The following RUVBL1 variants were observed in gnomAD, a reference collection of about 807,000 sequenced individuals.
RUVBL1 encodes the protein ruvB-like 1.
In RUVBL1, 4 loss-of-function variants were observed where a neutral mutation model predicts 52.4. That is an observed-to-expected ratio of 0.08 (90% CI 0.04 to 0.17). RUVBL1 has a LOEUF of 0.17. RUVBL1 is among the 10% of genes least tolerant of loss of function. The pLI is 1.00. For missense variants in RUVBL1, 298 were observed against 572.8 expected (o/e 0.52, Z 4.90); for synonymous variants, 217 against 214.4 (o/e 1.01, Z -0.10).
At chr3:128,102,855 A>T (rs192967794) in intron 4 of RUVBL1, among the ~76,000 whole-genome samples, 59 of 152,348 alleles carry the variant, frequency 3.9e-4, no homozygotes, top group Non-Finnish European at 4.4e-5. Flanking sequence ...GCTTTTAAAA[A>T]ACTACCACCA....
intron 5 of RUVBL1, among the ~76,000 whole-genome samples, chr3:128,100,975 T>C (rs1471486919): frequency 1.3e-5 from 2 of 152,194 alleles, no homozygotes; most frequent in Admixed American, 6.5e-5. Context: ...CCAAAATCCT[T>C]TTTCCCTTCT....
chr3:128,073,591 G>A (rs1023114443), intron 9 of RUVBL1, among the ~76,000 whole-genome samples: 1 of 152,178 alleles, frequency 6.6e-6, no homozygotes, highest in African/African-American at 2.4e-5. Flanking sequence ...CTAAGTGGTA[G>A]TGCCCACCTC....
At chr3:128,103,861 A>G (rs1943164206) in intron 4 of RUVBL1, among the ~76,000 whole-genome samples, 1 of 152,256 alleles carries the variant, frequency 6.6e-6, no homozygotes, top group Admixed American at 6.5e-5. Flanking sequence ...GGCCTGACAC[A>G]TACAATAAAT....
chr3:128,067,600 C>G lies in RUVBL1; in HGVS notation c.940-2380G>C. On this transcript the variant is annotated intron_variant, in intron 9 of 9. Transcript: ENST00000464873. This position sits in a 1 kb window ranked among gnomAD's most constrained non-coding sequence, Gnocchi z 4.1. ...AAACGTGGATTGAGGTCTCAGGTTC[C>G]TCTGCCAAAGATGTAAGTAGAAGCA... The G allele has an allele frequency of 6.2e-7, 1 of 1,611,296 alleles. No homozygotes were observed. Among genetic ancestry groups the G allele is most frequent in the Non-Finnish European group, 8.5e-7 (1 of 1,178,438 alleles).
intron 4 of RUVBL1, among the ~76,000 whole-genome samples, chr3:128,104,270 C>G (rs1384999518): frequency 6.6e-6 from 1 of 152,214 alleles, no homozygotes; most frequent in African/African-American, 2.4e-5. Context: ...TAAACAGAAC[C>G]AGCCACTGAA....
chr3:128,108,767 A>G (rs1477976829), intron 3 of RUVBL1, among the ~76,000 whole-genome samples: 1 of 152,104 alleles, frequency 6.6e-6, no homozygotes, highest in African/African-American at 2.4e-5. Context: ...CATCTTTATT[A>G]TGAGTTAAAT....
intron 3 of RUVBL1, among the ~76,000 whole-genome samples, chr3:128,105,886 T>C (rs1943223100): frequency 6.8e-6 from 1 of 146,806 alleles, no homozygotes; most frequent in African/African-American, 2.5e-5. Context: ...TTTTTTTTTT[T>C]TGAGATAGAA....
downstream of RUVBL1, among the ~76,000 whole-genome samples, chr3:128,076,532 TGG>T (rs1942330927): frequency 6.6e-6 from 1 of 152,130 alleles, no homozygotes; most frequent in Non-Finnish European, 1.5e-5. This position sits in a 1 kb window ranked among gnomAD's most constrained non-coding sequence, Gnocchi z 6.8. Flanking sequence ...GTTGGGACAG[TGG>T]GCAGGCTTGC....
Position 128,087,763 on chromosome 3 carries a change from A to C in RUVBL1, c.1062T>G (p.Leu354=). The C allele has an allele frequency of 6.2e-7, 1 of 1,614,114 alleles. No individual in the cohort carries two copies. Among genetic ancestry groups the C allele is most frequent in the Non-Finnish European group, 8.5e-7 (1 of 1,179,986 alleles). ...ITSPHGIPLD[L]LDRVMIIRTM... is the part of the protein sequence containing the mutation. ...TCCGGATTATCATCACTCGGTCCAG[A>C]AGGTCAAGAGGGATGCCGTGAGGGG... Residue 354 remains leucine (L), a synonymous_variant, in exon 9 of 11, where the codon CTT becomes CTG. Coordinates refer to ENST00000322623, the MANE Select transcript of RUVBL1 (RefSeq NM_003707.3).
chr3:128,097,508 G>A lies in RUVBL1; in HGVS notation c.818-10C>T, dbSNP rs1028974542. 5 of 1,613,540 alleles carry A rather than the reference G, an allele frequency of 3.1e-6. No homozygotes were observed. The highest frequency in any genetic ancestry group is 2.2e-5 in the East Asian group (1 of 44,900). On this transcript the variant is annotated splice_polypyrimidine_tract_variant and intron_variant, in intron 7 of 10. Coordinates refer to ENST00000322623, the MANE Select transcript of RUVBL1 (RefSeq NM_003707.3). ...TCCCCTCGAAGTTTGTCTAGGAGATGCAAGGATGGGCAGGCAAGGTCAGCA... is the reference window on the plus strand; with the variant it reads ...TCCCCTCGAAGTTTGTCTAGGAGATACAAGGATGGGCAGGCAAGGTCAGCA...
chr3:128,093,916 TG>T (rs1199107864), intron 8 of RUVBL1, among the ~76,000 whole-genome samples: 1 of 152,022 alleles, frequency 6.6e-6, no homozygotes, highest in Non-Finnish European at 1.5e-5. Flanking sequence ...CTAAAGGACT[TG>T]GGGGCTGCTT....
chr3:128,077,644 G>A (rs770476008), downstream of RUVBL1, among the ~76,000 whole-genome samples: 8 of 152,360 alleles, frequency 5.3e-5, no homozygotes, highest in East Asian at 1.9e-4. Flanking sequence ...GAAGCAGTGC[G>A]TTGTTTCTGG....
chr3:128,119,764 C>G (rs1238341593), intron 1 of RUVBL1, among the ~76,000 whole-genome samples: 2 of 152,146 alleles, frequency 1.3e-5, no homozygotes, highest in African/African-American at 4.8e-5. Flanking sequence ...CTGGGAGGAG[C>G]AGGAGTCAGC....
chr3:128,095,782 GT>G (rs1382337840), intron 8 of RUVBL1, among the ~76,000 whole-genome samples: 2 of 152,180 alleles, frequency 1.3e-5, no homozygotes, highest in East Asian at 3.9e-4. Flanking sequence ...AGGTCTCACT[GT>G]TGTCCAGGTG....
intron 1 of RUVBL1, among the ~76,000 whole-genome samples, chr3:128,140,080 C>T (rs1253129442): frequency 6.6e-6 from 1 of 151,692 alleles, no homozygotes; most frequent in Admixed American, 6.6e-5. Context: ...ATGGTGAATA[C>T]CTTATTTACC....
chr3:128,085,251 T>C (rs1942610467), intron 9 of RUVBL1: 1 of 152,244 alleles, frequency 6.6e-6, no homozygotes, highest in Non-Finnish European at 1.5e-5. Context: ...AGGGAGGAGA[T>C]GTTCCATTTA....
intron 1 of RUVBL1, among the ~76,000 whole-genome samples, chr3:128,135,330 C>T (rs1037999692): frequency 8.5e-5 from 13 of 152,118 alleles, no homozygotes; most frequent in East Asian, 5.8e-4. Flanking sequence ...GTCAGGAGTT[C>T]GAGACCAGCC....
At chr3:128,096,327 G>A (rs1291838916) in intron 8 of RUVBL1, among the ~76,000 whole-genome samples, 1 of 152,222 alleles carries the variant, frequency 6.6e-6, no homozygotes, top group East Asian at 1.9e-4. Flanking sequence ...CCAGGACCAC[G>A]AGCGTGGAGA....
chr3:128,097,735 G>A (rs1423014948), intron 7 of RUVBL1, among the ~76,000 whole-genome samples: 1 of 152,114 alleles, frequency 6.6e-6, no homozygotes, highest in Non-Finnish European at 1.5e-5. Context: ...GATGAGTTTG[G>A]TTAAATGTAA....
Sources: allele counts gnomAD v4.1 joint callset (sites outside exome capture counted in the v4.1 genomes callset), GRCh38; gene constraint gnomAD v4.1.1; non-coding constraint Gnocchi (gnomAD v3.1); transcripts MANE v1.5; gene names NCBI Gene and HGNC (gene_info 2026-07-23, HGNC 2026-07-21).